PTPRN2: variants seen among roughly 807,000 people sequenced by gnomAD.
PTPRN2 encodes the protein receptor-type tyrosine-protein phosphatase N2.
Under a neutral mutation model 118.8 loss-of-function variants are expected in PTPRN2, and 74 were observed. The ratio of observed to expected loss-of-function variants is 0.62; its 90% CI spans 0.52 to 0.76. The LOEUF (loss-of-function observed/expected upper bound fraction) is 0.76, where lower values mean the gene tolerates loss of function less well. PTPRN2 is among the 30% of genes least tolerant of loss of function. The pLI is 0.00. For missense variants in PTPRN2, 1,481 were observed against 1,394.4 expected, an observed-to-expected ratio of 1.06 and a Z score of -0.99; for synonymous variants, 641 against 608.0, an observed-to-expected ratio of 1.05 and a Z score of -0.80.
At chr7:157,723,223 C>T (rs1004511799) in intron 12 of PTPRN2, among the ~76,000 whole-genome samples, 1 of 152,198 alleles carries the variant, frequency 6.6e-6, no homozygotes, top group Non-Finnish European at 1.5e-5. Context: ...GGACTGTCCC[C>T]TTGCCCTGAC....
chr7:158,203,958 T>C (rs1034249785), intron 4 of PTPRN2, among the ~76,000 whole-genome samples: 1 of 152,072 alleles, frequency 6.6e-6, no homozygotes, highest in African/African-American at 2.4e-5. Flanking sequence ...GTGCGCCGCG[T>C]GCTGAAGTCG....
chr7:158,463,238 C>T (rs1344566974), intron 2 of PTPRN2, among the ~76,000 whole-genome samples: 1 of 152,138 alleles, frequency 6.6e-6, no homozygotes, highest in African/African-American at 2.4e-5. Context: ...GGCAGGTGAG[C>T]CCATCATCCC....
intron 1 of PTPRN2, among the ~76,000 whole-genome samples, chr7:158,518,399 G>A (rs1823728666): frequency 6.6e-6 from 1 of 152,150 alleles, no homozygotes; most frequent in African/African-American, 2.4e-5. Flanking sequence ...GGACATCAGC[G>A]CTTGTCCTTT....
At chr7:158,487,699 A>G (rs941080234) in intron 2 of PTPRN2, among the ~76,000 whole-genome samples, 1 of 152,028 alleles carries the variant, frequency 6.6e-6, no homozygotes, top group South Asian at 2.1e-4. Flanking sequence ...GGGCTGCCGC[A>G]CCCCTGGCCC....
chr7:157,840,560 C>T (rs529636129), intron 12 of PTPRN2, among the ~76,000 whole-genome samples: 13 of 152,220 alleles, frequency 8.5e-5, no homozygotes, highest in South Asian at 2.1e-4. Flanking sequence ...GGAGAGGGTA[C>T]GGGACGGGAG....
intron 12 of PTPRN2, among the ~76,000 whole-genome samples, chr7:157,798,813 C>G (rs186228119): frequency 3.8e-4 from 54 of 141,284 alleles, no homozygotes; most frequent in African/African-American, 1.3e-3. Flanking sequence ...TCAGCAGATG[C>G]TGGTGCTGTG....
chr7:157,751,434 A>C (rs1293870191), intron 12 of PTPRN2, among the ~76,000 whole-genome samples: 2 of 152,182 alleles, frequency 1.3e-5, no homozygotes, highest in African/African-American at 4.8e-5. Context: ...TTTAGCACCC[A>C]GGCATCAAGA....
chr7:157,671,576 A>G lies in PTPRN2; in HGVS notation c.2001+11149T>C, dbSNP rs749026847. Among the ~76,000 whole-genome samples the G allele has an allele frequency of 4.6e-5, 7 of 152,098 alleles. No individual in the cohort carries two copies. The highest frequency in any genetic ancestry group is 7.2e-5 in the African/African-American group (3 of 41,418). On this transcript the variant is annotated intron_variant, in intron 13 of 22. Transcript: ENST00000389418. This position sits in a 1 kb window ranked among gnomAD's most constrained non-coding sequence, Gnocchi z 4.1. ...GCAAACAAAGGCTCAGAAGCAGAGG[A>G]GCCCAGCCCAGGGACACAAAAGGTA...
At chr7:157,620,284 C>T (rs895917794) in intron 15 of PTPRN2, among the ~76,000 whole-genome samples, 2 of 152,184 alleles carry the variant, frequency 1.3e-5, no homozygotes, top group Non-Finnish European at 2.9e-5. Context: ...CAGCGCCGGG[C>T]AGTCCTTGCC....
At chr7:158,171,057 A>ACAT in intron 5 of PTPRN2, among the ~76,000 whole-genome samples, 5 of 47,972 alleles carry the variant, frequency 1.0e-4, no homozygotes, top group African/African-American at 7.6e-4. Context: ...ATATATACAC[A>ACAT]TATATACACA....
chr7:157,682,504 G>A (rs2150808606), intron 13 of PTPRN2, among the ~76,000 whole-genome samples: 1 of 152,256 alleles, frequency 6.6e-6, no homozygotes, highest in Non-Finnish European at 1.5e-5. Context: ...GTTAACACGA[G>A]GCTATCCAAG....
chr7:158,085,038 ACC>A (rs1289937922), intron 10 of PTPRN2, among the ~76,000 whole-genome samples: 3 of 114,722 alleles, frequency 2.6e-5, no homozygotes, highest in Admixed American at 9.4e-5. Context: ...GCCCATCCAC[ACC>A]CACGACACCC....
intron 12 of PTPRN2, among the ~76,000 whole-genome samples, chr7:157,819,188 C>T (rs970141441): frequency 2.0e-5 from 3 of 152,170 alleles, no homozygotes; most frequent in Non-Finnish European, 4.4e-5. Context: ...AAGCCCAGGG[C>T]TCTGCTGCCT....
At chr7:157,931,739 A>C (rs1799369690) in intron 11 of PTPRN2, among the ~76,000 whole-genome samples, 1 of 152,046 alleles carries the variant, frequency 6.6e-6, no homozygotes, top group African/African-American at 2.4e-5. Context: ...AAATTGAATA[A>C]ATGACTAGAG....
intron 12 of PTPRN2, among the ~76,000 whole-genome samples, chr7:157,774,751 C>A (rs188001764): frequency 1.4e-4 from 22 of 152,176 alleles, no homozygotes; most frequent in Non-Finnish European, 1.2e-4. Flanking sequence ...GGGAGGTCTT[C>A]GAGTCAACAA....
intron 4 of PTPRN2, among the ~76,000 whole-genome samples, chr7:158,198,220 C>T (rs1389149543): frequency 3.9e-5 from 6 of 152,060 alleles, no homozygotes; most frequent in African/African-American, 1.4e-4. Context: ...TGCCTGGGGA[C>T]TTGTTTGTGA....
chr7:157,817,948 G>A (rs1806527280), intron 12 of PTPRN2, among the ~76,000 whole-genome samples: 2 of 152,006 alleles, frequency 1.3e-5, no homozygotes, highest in African/African-American at 4.8e-5. Context: ...GTATATGTGT[G>A]TTATGTGCAT....
At chr7:158,586,068 C>A (rs528476526) in intron 1 of PTPRN2, among the ~76,000 whole-genome samples, 66 of 152,300 alleles carry the variant, frequency 4.3e-4, no homozygotes, top group African/African-American at 1.3e-3. Context: ...TCACCTGGGC[C>A]CTGGGGGCAC....
At chr7:158,075,031 AGCGTT>A (rs1453459754) in intron 11 of PTPRN2, among the ~76,000 whole-genome samples, 4 of 121,862 alleles carry the variant, frequency 3.3e-5, no homozygotes, top group African/African-American at 1.6e-4. Flanking sequence ...TTTCTACCAC[AGCGTT>A]GTGTTGTCTG....
Sources: gnomAD v4.1 joint callset for allele counts (sites outside exome capture counted in the v4.1 genomes callset) on GRCh38, gnomAD v4.1.1 for gene constraint, Gnocchi (gnomAD v3.1) non-coding constraint, MANE v1.5 for transcripts, NCBI Gene and HGNC (gene_info 2026-07-23, HGNC 2026-07-21) for gene names.